Variants in NR4A1 observed in about 807,000 individuals in gnomAD.
NR4A1 encodes the protein nuclear receptor subfamily 4 group A member 1.
A neutral mutation model predicts 47.5 loss-of-function variants in NR4A1; 24 were observed. The ratio of observed to expected loss-of-function variants is 0.50; its 90% CI spans 0.37 to 0.71. The LOEUF (loss-of-function observed/expected upper bound fraction) is 0.71. NR4A1 is among the 30% of genes least tolerant of loss of function. The probability of loss-of-function intolerance (pLI) is 0.00; values close to 1 mark genes in which losing one functional copy is unlikely to be tolerated. For synonymous variants in NR4A1, 353 were observed against 345.7 expected (o/e 1.02, Z -0.24); for missense variants, 669 against 788.6 (o/e 0.85, Z 1.82).
chr12:52,057,622 G>T, intron 6 of NR4A1, 92 bp downstream of exon 6: 1 of 1,466,648 alleles, frequency 6.8e-7, no homozygotes. Flanking sequence ...AGTTTGGTGG[G>T]CCGGGATCTA....
At chr12:52,034,958 G>A (rs910820154) in intron 1 of NR4A1, among the ~76,000 whole-genome samples, 12 of 152,198 alleles carry the variant, frequency 7.9e-5, no homozygotes, top group African/African-American at 2.9e-4. Flanking sequence ...AACCCTGTGA[G>A]ATAGGTTTCT....
In NR4A1 at chr12:52,054,491, A is replaced by G. The variant is rs1350543249; in HGVS notation, c.163A>G (p.Thr55Ala). ...AAPTALPSFSTFMDGYTGEFD... is the reference protein window; with the variant it reads ...AAPTALPSFSAFMDGYTGEFD... Reference sequence around the variant, plus strand: ...CCCCACTGCCCTGCCCAGCTTCAGCACCTTCATGGACGGCTACACAGGAGA... The same window carrying G: ...CCCCACTGCCCTGCCCAGCTTCAGCGCCTTCATGGACGGCTACACAGGAGA... The change falls in exon 2 of 7, where the codon ACC (threonine) becomes GCC (alanine). Residue 55 changes from threonine to alanine, a missense_variant. Transcript: ENST00000394825. The G allele has an allele frequency of 6.2e-7, 1 of 1,613,668 alleles. No individual in the cohort carries two copies. The highest frequency in any genetic ancestry group is 8.5e-7 in the Non-Finnish European group (1 of 1,179,922).
At chr12:52,048,289 A>G (rs1014993528), upstream of NR4A1, among the ~76,000 whole-genome samples, 3 of 151,798 alleles carry the variant, frequency 2.0e-5, no homozygotes, top group Non-Finnish European at 4.4e-5. Flanking sequence ...ATCTTTTGCT[A>G]CCTATTAAAA....
chr12:52,042,703 C>T (rs1489875962), intron 2 of NR4A1, among the ~76,000 whole-genome samples: 1 of 152,146 alleles, frequency 6.6e-6, no homozygotes, highest in Admixed American at 6.5e-5. Flanking sequence ...CCGGAGAAGG[C>T]CCACACTGAT....
intron 1 of NR4A1, among the ~76,000 whole-genome samples, chr12:52,034,043 AGTCTGGCTTATG>A (rs1938186746): frequency 6.6e-6 from 1 of 152,150 alleles, no homozygotes; most frequent in Non-Finnish European, 1.5e-5. Context: ...GGCCACTGAG[AGTCTGGCTTATG>A]GTCCTGGGTC....
intron 1 of NR4A1, chr12:52,038,853 G>T: frequency 1.4e-6 from 1 of 693,650 alleles, no homozygotes; most frequent in Admixed American, 2.0e-5. Flanking sequence ...GAGGAGTTCA[G>T]GCCCTGTGCC....
intron 1 of NR4A1, chr12:52,037,384 C>T: frequency 1.0e-6 from 1 of 985,452 alleles, no homozygotes; most frequent in Non-Finnish European, 1.2e-6. Flanking sequence ...AGCTCAGGGC[C>T]GGCTGGTGCG....
chr12:52,055,674 C>T (rs552634744), intron 2 of NR4A1: 204 of 361,790 alleles, frequency 5.6e-4, no homozygotes, highest in African/African-American at 3.6e-3. Context: ...CTTAGCTTCC[C>T]GTCCCCACCC....
intron 1 of NR4A1, among the ~76,000 whole-genome samples, chr12:52,030,120 A>G (rs945030278): frequency 6.6e-6 from 1 of 152,364 alleles, no homozygotes; most frequent in South Asian, 2.1e-4. Context: ...GGCACAGGCA[A>G]GGTCTTCAGG....
intron 2 of NR4A1, 162 bp from the exon 3 acceptor site, chr12:52,055,868 C>T: frequency 2.2e-6 from 1 of 463,954 alleles, no homozygotes; most frequent in Non-Finnish European, 3.8e-6. Flanking sequence ...CCCGCCCAAC[C>T]CCGTCTCTCC....
chr12:52,054,947 C>T lies in NR4A1; in HGVS notation c.619C>T (p.Leu207=), dbSNP rs147515670. 4.9e-4 allele frequency: 799 copies of T among 1,614,214 alleles called. 14 individuals are homozygous for T. In the East Asian group the frequency reaches 0.011, roughly 23 times the overall value. Residue 207 remains leucine, a synonymous_variant, in exon 2 of 7, where the codon CTG becomes TTG. Transcript: ENST00000394825. The stretch of plus-strand genomic sequence containing the variant: ...CAGCCCCAGCCTGGCCCAGAGCCCC[C>T]TGAAGTTGTTCCCCTCACAGGCCAC... ...GPSPSLAQSP[L]KLFPSQATHQ... is the part of the protein sequence containing the mutation.
At chr12:52,046,364 T>C (rs779293355) in intron 2 of NR4A1, among the ~76,000 whole-genome samples, 12 of 152,316 alleles carry the variant, frequency 7.9e-5, no homozygotes, top group Non-Finnish European at 1.3e-4. Context: ...CCTCATGTTG[T>C]TCACATACTG....
In NR4A1 at chr12:52,059,027, C is replaced by A. The variant is rs1939425930; in HGVS notation, c.*83C>A. On this transcript the variant is annotated 3_prime_UTR_variant, in exon 7 of 7. Coordinates refer to ENST00000394825, the MANE Select transcript of NR4A1 (RefSeq NM_173157.3). ...TTAGTCCACGGACCCCCAGAGCACC[C>A]CCAAGCCTGGGCTTGAGCTGCAGAA... 12 of 1,487,364 alleles carry A rather than the reference C, an allele frequency of 8.1e-6. No individual in the cohort carries two copies. In the South Asian group the frequency reaches 1.6e-4, roughly 19 times the overall value. The allele number at this position is 1,487,364 out of a possible 1,614,324, so 92.1% of individuals were successfully genotyped here.
chr12:52,045,204 T>A (rs1055679473), intron 2 of NR4A1, among the ~76,000 whole-genome samples: 1 of 152,218 alleles, frequency 6.6e-6, no homozygotes, highest in African/African-American at 2.4e-5. Flanking sequence ...TGTTTGTCTG[T>A]AGTTCCTGGA....
At chr12:52,023,560 C>A (rs1285044957) in intron 1 of NR4A1, among the ~76,000 whole-genome samples, 2 of 152,042 alleles carry the variant, frequency 1.3e-5, no homozygotes, top group Non-Finnish European at 2.9e-5. Flanking sequence ...CACTAGCCCG[C>A]CCCCACCCCG....
chr12:52,048,853 C>A (rs1938783776), upstream of NR4A1, among the ~76,000 whole-genome samples: 1 of 151,628 alleles, frequency 6.6e-6, no homozygotes, highest in African/African-American at 2.4e-5. Context: ...GAGTCATTTT[C>A]CACAAAAGGA....
chr12:52,056,246 G>T, intron 3 of NR4A1, 87 bp downstream of exon 3: 1 of 1,497,736 alleles, frequency 6.7e-7, no homozygotes, highest in Non-Finnish European at 8.9e-7. Context: ...TGCCCTGGAG[G>T]ACCCAGAGGA....
upstream of NR4A1, among the ~76,000 whole-genome samples, chr12:52,049,531 T>A (rs1938814689): frequency 6.6e-6 from 1 of 152,180 alleles, no homozygotes; most frequent in Admixed American, 6.5e-5. Context: ...CAGTGGCTCA[T>A]GCCTATAATC....
At chr12:52,037,970 G>GGGT in intron 1 of NR4A1, 1 of 239,876 alleles carries the variant, frequency 4.2e-6, no homozygotes, top group Non-Finnish European at 6.5e-6. Flanking sequence ...GTGGGGGCGG[G>GGGT]GGTGGTCTGT....
Sources: gnomAD v4.1 joint callset for allele counts (sites outside exome capture counted in the v4.1 genomes callset) on GRCh38, gnomAD v4.1.1 for gene constraint, MANE v1.5 for transcripts, NCBI Gene and HGNC (gene_info 2026-07-23, HGNC 2026-07-21) for gene names.